Variants in PCDH15 observed in about 807,000 individuals in gnomAD.
PCDH15 encodes protocadherin related 15.
In PCDH15, 129 loss-of-function variants were observed where a neutral mutation model predicts 178.5. The observed-to-expected ratio is 0.72, with a 90% CI of 0.63 to 0.84. The LOEUF (loss-of-function observed/expected upper bound fraction) is 0.84, where lower values mean the gene tolerates loss of function less well. Ranked by LOEUF, PCDH15 falls within the 40% of genes least tolerant of loss-of-function variation. The pLI is 0.00. For synonymous variants in PCDH15, 800 were observed against 732.0 expected (o/e 1.09, Z -1.50); for missense variants, 2,230 against 2,099.9 (o/e 1.06, Z -1.21).
chr10:54,933,349 A>G (rs1217304381), intron 2 of PCDH15, among the ~76,000 whole-genome samples: 3 of 152,176 alleles, frequency 2.0e-5, no homozygotes, highest in Non-Finnish European at 2.9e-5. Flanking sequence ...GTAAAAAAAA[A>G]TGTGTTTTAT....
chr10:54,778,013 T>C (rs1037472333), intron 1 of PCDH15, among the ~76,000 whole-genome samples: 3 of 152,258 alleles, frequency 2.0e-5, no homozygotes, highest in African/African-American at 7.2e-5. Context: ...ATGTGCATAC[T>C]GTGTGCAGAC....
intron 1 of PCDH15, among the ~76,000 whole-genome samples, chr10:55,182,971 T>G (rs529635451): frequency 6.6e-6 from 1 of 152,082 alleles, no homozygotes; most frequent in South Asian, 2.1e-4. Context: ...GCAGCCCAGA[T>G]AGAAACATGT....
At chr10:54,519,076 C>T (rs188151138) in intron 3 of PCDH15, among the ~76,000 whole-genome samples, 9 of 152,232 alleles carry the variant, frequency 5.9e-5, no homozygotes, top group Admixed American at 5.2e-4. Context: ...ATAATAAGCG[C>T]TATCTATGAC....
At chr10:55,501,120 C>G (rs373292598) in intron 2 of PCDH15, among the ~76,000 whole-genome samples, 1 of 151,678 alleles carries the variant, frequency 6.6e-6, no homozygotes, top group East Asian at 2.0e-4. Flanking sequence ...GAAGAGAAGA[C>G]AGAGACACAC....
intron 26 of PCDH15, among the ~76,000 whole-genome samples, chr10:53,884,532 T>C (rs1367696820): frequency 1.3e-5 from 2 of 152,180 alleles, no homozygotes; most frequent in African/African-American, 4.8e-5. Flanking sequence ...TGTGGTGGGC[T>C]GAAGATTATT....
At chr10:54,867,322 A>C (rs1953959170) in intron 3 of PCDH15, among the ~76,000 whole-genome samples, 2 of 152,052 alleles carry the variant, frequency 1.3e-5, no homozygotes, top group South Asian at 2.1e-4. Context: ...GTGATTATTT[A>C]CTTTTGGCTT....
At chr10:54,040,778 A>G (rs546851016) in intron 18 of PCDH15, among the ~76,000 whole-genome samples, 1 of 152,042 alleles carries the variant, frequency 6.6e-6, no homozygotes, top group Non-Finnish European at 1.5e-5. Context: ...TACAAATGTG[A>G]TTTTTTGAAT....
At position 55,252,963 on chromosome 10, in the gene PCDH15, T is replaced by A. The variant is rs1023045623; in HGVS notation, c.-156+66636A>T. ...GAGAAAAAAATTTTCTAAAACAAAA[T>A]AAATTTTTGTCCAATCATGTTTAGT... On this transcript the variant is annotated intron_variant, in intron 1 of 5. Transcript: ENST00000458638. Among the ~76,000 whole-genome samples the A allele has an allele frequency of 3.3e-5, 5 of 152,148 alleles. No individual in the cohort carries two copies. The East Asian group carries it at 5.8e-4, about 18-fold the overall frequency.
At chr10:54,332,296 A>ATATATTATTATATATAATATAATATAAT (rs1939854642) in intron 6 of PCDH15, among the ~76,000 whole-genome samples, 271 of 79,282 alleles carry the variant, frequency 3.4e-3, no homozygotes, top group African/African-American at 0.012. Context: ...AATCTATATT[A>ATATATTATTATATATAATATAATATAAT]CATATTATTA....
At chr10:54,996,891 A>T (rs1839659364) in intron 2 of PCDH15, among the ~76,000 whole-genome samples, 1 of 152,026 alleles carries the variant, frequency 6.6e-6, no homozygotes, top group Admixed American at 6.6e-5. Context: ...TAGGTGGATC[A>T]TGAGGTCAGG....
chr10:55,329,335 C>A (rs1239849250), intron 2 of PCDH15, among the ~76,000 whole-genome samples: 1 of 151,314 alleles, frequency 6.6e-6, no homozygotes, highest in Non-Finnish European at 1.5e-5. Flanking sequence ...TGAGAGCTAG[C>A]AAAATATGTA....
intron 2 of PCDH15, among the ~76,000 whole-genome samples, chr10:55,535,853 T>G (rs1308578301): frequency 6.6e-6 from 1 of 152,082 alleles, no homozygotes; most frequent in Non-Finnish European, 1.5e-5. Flanking sequence ...AAATGTTAAC[T>G]GTCATCTTTG....
chr10:54,219,102 A>C (rs1238873057), intron 9 of PCDH15, among the ~76,000 whole-genome samples: 8 of 143,068 alleles, frequency 5.6e-5, no homozygotes, highest in Non-Finnish European at 7.5e-5. Context: ...AAAAAAAAAA[A>C]AAAAACAAAA....
At chr10:53,920,325 A>C (rs917398507) in intron 25 of PCDH15, among the ~76,000 whole-genome samples, 17 of 152,106 alleles carry the variant, frequency 1.1e-4, no homozygotes, top group African/African-American at 4.1e-4. Context: ...CATATATTCT[A>C]TTTTCAAAAC....
chr10:55,378,707 C>T (rs996999885), intron 2 of PCDH15, among the ~76,000 whole-genome samples: 4 of 152,056 alleles, frequency 2.6e-5, no homozygotes, highest in Non-Finnish European at 5.9e-5. Context: ...ATGAAAGCAT[C>T]AATGAAAGAA....
At chr10:55,266,511 G>A (rs146069516) in intron 1 of PCDH15, among the ~76,000 whole-genome samples, 1 of 152,158 alleles carries the variant, frequency 6.6e-6, no homozygotes, top group Admixed American at 6.5e-5. Flanking sequence ...CCTAGGTGAG[G>A]ACAGGCATTT....
chr10:54,971,726 A>G (rs1249416017), intron 2 of PCDH15, among the ~76,000 whole-genome samples: 1 of 152,218 alleles, frequency 6.6e-6, no homozygotes, highest in African/African-American at 2.4e-5. Context: ...ATCTACAACT[A>G]TATTTGGCAT....
chr10:54,303,559 C>T (rs1417012285), intron 8 of PCDH15, among the ~76,000 whole-genome samples: 2 of 151,972 alleles, frequency 1.3e-5, no homozygotes, highest in Non-Finnish European at 2.9e-5. Context: ...TCATATCATG[C>T]ATGTATTACA....
chr10:54,726,288 A>G (rs1942484832), intron 1 of PCDH15, among the ~76,000 whole-genome samples: 1 of 151,708 alleles, frequency 6.6e-6, no homozygotes, highest in African/African-American at 2.4e-5. Context: ...TCCTAAGAAA[A>G]TAATTATTAT....
Sources: allele counts gnomAD v4.1 joint callset (sites outside exome capture counted in the v4.1 genomes callset), GRCh38; gene constraint gnomAD v4.1.1; transcripts MANE v1.5; gene names NCBI Gene and HGNC (gene_info 2026-07-23, HGNC 2026-07-21).